FRMD4A: variants seen among roughly 807,000 people sequenced by gnomAD.
FRMD4A encodes the protein FERM domain containing 4A.
A neutral mutation model predicts 129.1 loss-of-function variants in FRMD4A; 29 were observed. That is an observed-to-expected ratio of 0.22 (90% CI 0.17 to 0.31). The LOEUF (loss-of-function observed/expected upper bound fraction) is 0.31. FRMD4A is among the 10% of genes least tolerant of loss of function. The pLI is 1.00. For missense variants in FRMD4A, 1,272 were observed against 1,375.8 expected (o/e 0.92, Z 1.19); for synonymous variants, 634 against 571.6 (o/e 1.11, Z -1.56).
intron 3 of FRMD4A, among the ~76,000 whole-genome samples, chr10:13,824,961 G>T (rs894226661): frequency 6.6e-6 from 1 of 151,376 alleles, no homozygotes; most frequent in Admixed American, 6.6e-5. Flanking sequence ...GATGTGTCTA[G>T]GTTATATGCA....
At chr10:14,005,168 G>A (rs989793259) in intron 2 of FRMD4A, among the ~76,000 whole-genome samples, 10 of 151,866 alleles carry the variant, frequency 6.6e-5, no homozygotes, top group African/African-American at 1.9e-4. Context: ...GATTATAAGC[G>A]CATACCACCA....
At chr10:14,258,881 C>G (rs193075407) in intron 2 of FRMD4A, among the ~76,000 whole-genome samples, 15 of 152,126 alleles carry the variant, frequency 9.9e-5, no homozygotes, top group Admixed American at 2.0e-4. Flanking sequence ...AATAATTATG[C>G]TGAATGAAAG....
intron 2 of FRMD4A, among the ~76,000 whole-genome samples, chr10:13,867,782 AAATATATAATAT>A (rs1394619141): frequency 1.5e-5 from 2 of 133,220 alleles, no homozygotes; most frequent in Admixed American, 1.8e-4. Flanking sequence ...GATATATAAT[AAATATATAATAT>A]AATATATAAT....
At chr10:13,661,788 G>GA (rs1332003331) in intron 19 of FRMD4A, among the ~76,000 whole-genome samples, 1 of 151,974 alleles carries the variant, frequency 6.6e-6, no homozygotes, top group East Asian at 1.9e-4. Context: ...AGGTGGAGGG[G>GA]AAAAAAGCAC....
intron 2 of FRMD4A, among the ~76,000 whole-genome samples, chr10:14,239,303 A>G (rs1843944766): frequency 6.6e-6 from 1 of 152,208 alleles, no homozygotes; most frequent in African/African-American, 2.4e-5. Context: ...GATAAAAACA[A>G]AAAGTTTTGT....
chr10:14,270,230 T>C (rs1484753293), intron 2 of FRMD4A, among the ~76,000 whole-genome samples: 2 of 152,232 alleles, frequency 1.3e-5, no homozygotes, highest in Non-Finnish European at 2.9e-5. Flanking sequence ...CAGCCCATCA[T>C]GGGACTTCTC....
chr10:14,149,787 T>C (rs1840251806), intron 2 of FRMD4A, among the ~76,000 whole-genome samples: 1 of 152,124 alleles, frequency 6.6e-6, no homozygotes, highest in Non-Finnish European at 1.5e-5. Flanking sequence ...GGCAGTTGAG[T>C]GAGTGTGCTT....
intron 2 of FRMD4A, among the ~76,000 whole-genome samples, chr10:13,883,005 T>C (rs898074915): frequency 1.6e-4 from 25 of 152,048 alleles, no homozygotes; most frequent in African/African-American, 6.0e-4. Context: ...GGTTTTGCCT[T>C]GTTGGCCAGG....
intron 7 of FRMD4A, among the ~76,000 whole-genome samples, chr10:13,762,175 C>T (rs1588601040): frequency 6.6e-6 from 1 of 152,212 alleles, no homozygotes; most frequent in East Asian, 1.9e-4. Flanking sequence ...TTTAACTCAT[C>T]TTGCCACTAT....
intron 2 of FRMD4A, among the ~76,000 whole-genome samples, chr10:14,220,962 A>G (rs1169897300): frequency 6.6e-6 from 1 of 151,884 alleles, no homozygotes; most frequent in Non-Finnish European, 1.5e-5. Context: ...GAACCTGACT[A>G]TTTAGGCTGG....
At chr10:13,981,881 A>T (rs1163905138) in intron 2 of FRMD4A, among the ~76,000 whole-genome samples, 9 of 152,136 alleles carry the variant, frequency 5.9e-5, no homozygotes, top group Non-Finnish European at 8.8e-5. Context: ...CTGCAGGTAG[A>T]AGCAGGTAGG....
intron 2 of FRMD4A, among the ~76,000 whole-genome samples, chr10:14,094,226 C>T (rs1564284763): frequency 6.6e-6 from 1 of 152,218 alleles, no homozygotes; most frequent in Non-Finnish European, 1.5e-5. Context: ...ACCCAAATGC[C>T]AGACGACATG....
At chr10:13,708,186 T>C (rs1318856573) in intron 12 of FRMD4A, among the ~76,000 whole-genome samples, 1 of 152,220 alleles carries the variant, frequency 6.6e-6, no homozygotes, top group Non-Finnish European at 1.5e-5. Flanking sequence ...CTCTGGCCAC[T>C]GAGTTAAATG....
chr10:13,697,786 G>T (rs2086370984), intron 14 of FRMD4A, among the ~76,000 whole-genome samples: 2 of 152,206 alleles, frequency 1.3e-5, no homozygotes, highest in African/African-American at 4.8e-5. Context: ...GCCAATTCAA[G>T]AAGTCCCCAC....
intron 2 of FRMD4A, among the ~76,000 whole-genome samples, chr10:14,266,397 T>C (rs913423720): frequency 1.3e-5 from 2 of 152,146 alleles, no homozygotes; most frequent in Non-Finnish European, 2.9e-5. Context: ...TGCTTTAAGA[T>C]TATAAATAAT....
chr10:13,678,401 T>C (rs2084183439), intron 15 of FRMD4A, among the ~76,000 whole-genome samples: 1 of 152,196 alleles, frequency 6.6e-6, no homozygotes, highest in Non-Finnish European at 1.5e-5. Flanking sequence ...ACTGTGGCGG[T>C]AACTGGATGG....
intron 2 of FRMD4A, among the ~76,000 whole-genome samples, chr10:13,969,061 A>G (rs2095502383): frequency 1.3e-5 from 2 of 152,184 alleles, no homozygotes; most frequent in Admixed American, 1.3e-4. Context: ...AATGCTGACC[A>G]TGGGTTGGTA....
In FRMD4A at chr10:14,195,630, G is replaced by A. The variant is rs147212627; in HGVS notation, c.45+134428C>T. 9.0e-3 allele frequency among the ~76,000 whole-genome samples: 1,370 copies of A among 152,288 alleles called. 19 individuals are homozygous for A. The highest frequency in any genetic ancestry group is 0.026 in the South Asian group (123 of 4,818). ...GCAGTGAGCTCTCCAGGCGTCCCCC[G>A]TTGCAGGGGGAATCAAGCTGGGGCT... On this transcript the variant is annotated intron_variant, in intron 2 of 24. Coordinates refer to ENST00000357447, the MANE Select transcript of FRMD4A (RefSeq NM_018027.5).
chr10:13,654,432 G>C lies in FRMD4A; in HGVS notation c.3034C>G (p.Leu1012Val), dbSNP rs773036672. The C allele has an allele frequency of 8.1e-6, 13 of 1,609,126 alleles. No homozygotes were observed. Among genetic ancestry groups the C allele is most frequent in the Non-Finnish European group, 1.1e-5 (13 of 1,175,460 alleles). ...AGAACTCACCCAGTCTGCCAGGTTAGGATGTGGTGGGGGCTGCTTGGGGGG... is the reference window on the plus strand; with the variant it reads ...AGAACTCACCCAGTCTGCCAGGTTACGATGTGGTGGGGGCTGCTTGGGGGG... ...ATPPSSPHHILTWQTGEATEN... is the reference protein window; with the variant it reads ...ATPPSSPHHIVTWQTGEATEN... The change falls in exon 23 of 25, where the codon CTA becomes GTA. Residue 1012 changes from leucine (L) to valine (V), a missense_variant. By Grantham distance (32) the Leu-to-Val change is conservative. Transcript: ENST00000357447.
Sources: allele counts gnomAD v4.1 joint callset (sites outside exome capture counted in the v4.1 genomes callset), GRCh38; gene constraint gnomAD v4.1.1; transcripts MANE v1.5; gene names NCBI Gene and HGNC (gene_info 2026-07-23, HGNC 2026-07-21).